The following ACKR2 variants were observed in gnomAD, a reference collection of about 807,000 sequenced individuals.
ACKR2 encodes the protein C-C chemokine receptor D6.
For missense variants in ACKR2, 457 were observed against 477.3 expected (o/e 0.96, Z 0.40); for synonymous variants, 207 against 192.2 (o/e 1.08, Z -0.64).
chr3:42,861,857 A>T (rs4682866), intron 2 of ACKR2, among the ~76,000 whole-genome samples: 40,922 of 152,114 alleles, frequency 0.27, 7,141 homozygotes, highest in East Asian at 0.6. Context: ...CTGATGGAAC[A>T]TATCTCAAAA....
chr3:42,847,686 G>A (rs1485792369), intron 2 of ACKR2, among the ~76,000 whole-genome samples: 2 of 150,496 alleles, frequency 1.3e-5, no homozygotes, highest in Non-Finnish European at 3.0e-5. Context: ...AGAGCTGCCA[G>A]ACTCAAGAAG....
At chr3:42,829,797 T>G (rs1700911427) in intron 2 of ACKR2, among the ~76,000 whole-genome samples, 1 of 152,112 alleles carries the variant, frequency 6.6e-6, no homozygotes, top group Non-Finnish European at 1.5e-5. Context: ...GAGAGGCAAA[T>G]GAGACACAAA....
intron 2 of ACKR2, among the ~76,000 whole-genome samples, chr3:42,820,653 A>G (rs918061233): frequency 6.6e-6 from 1 of 150,822 alleles, no homozygotes; most frequent in Non-Finnish European, 1.5e-5. Context: ...GTTAGCCACC[A>G]ATGTCCTTGT....
chr3:42,819,919 T>A (rs1700793044), intron 2 of ACKR2, among the ~76,000 whole-genome samples: 1 of 152,200 alleles, frequency 6.6e-6, no homozygotes, highest in African/African-American at 2.4e-5. Context: ...CTCTCCCAAA[T>A]ATTAGGGCTG....
intron 2 of ACKR2, among the ~76,000 whole-genome samples, chr3:42,826,435 T>C (rs1700865487): frequency 6.6e-6 from 1 of 152,174 alleles, no homozygotes; most frequent in South Asian, 2.1e-4. Context: ...CCTTTCTTTG[T>C]TATAGGTCTA....
In ACKR2 at chr3:42,858,216, G is replaced by A. The variant is rs561458148; in HGVS notation, c.-37-6250G>A. Among the ~76,000 whole-genome samples, 38 of 152,310 alleles carry A rather than the reference G, an allele frequency of 2.5e-4. No individual in the cohort carries two copies. The East Asian group carries it at 2.5e-3, about 10-fold the overall frequency. The stretch of plus-strand genomic sequence containing the variant: ...CCTCAAGTGGGTCCCTGACCCCTTT[G>A]CCTCCTGACTGGGAGACACCTCCCA... On this transcript the variant is annotated intron_variant, in intron 2 of 2. Transcript: ENST00000422265.
chr3:42,856,237 T>C (rs982453459), intron 2 of ACKR2: 10 of 588,792 alleles, frequency 1.7e-5, no homozygotes, highest in Non-Finnish European at 2.7e-5. Flanking sequence ...CCACTCAGGC[T>C]GAGCTCCTGG....
At position 42,865,707 on chromosome 3, in the gene ACKR2, G is replaced by T. The variant is rs1280099461; in HGVS notation, c.*50G>T. On this transcript the variant is annotated 3_prime_UTR_variant, in exon 3 of 3. Coordinates refer to ENST00000422265, the MANE Select transcript of ACKR2 (RefSeq NM_001296.5). ...AACAGATGGGAACCAGCTCAATTGG[G>T]TGTCCACTCAAAGTGCTCTCTCCAG... The T allele has an allele frequency of 2.0e-6, 3 of 1,472,172 alleles. No individual in the cohort carries two copies. Among genetic ancestry groups the T allele is most frequent in the African/African-American group, 1.4e-5 (1 of 71,732 alleles). The allele number at this position is 1,472,172 out of a possible 1,614,324, so 91.2% of individuals were successfully genotyped here.
intron 2 of ACKR2, among the ~76,000 whole-genome samples, chr3:42,827,616 C>G (rs1294236373): frequency 6.6e-6 from 1 of 152,200 alleles, no homozygotes; most frequent in Non-Finnish European, 1.5e-5. Context: ...GCAGTGTACT[C>G]TGCCTCTGGG....
chr3:42,865,045 C>T lies in ACKR2; in HGVS notation c.543C>T (p.Val181=), dbSNP rs371368100. Residue 181 remains valine (V), a synonymous_variant, in exon 3 of 3, where the codon GTC becomes GTT. Coordinates refer to ENST00000422265, the MANE Select transcript of ACKR2 (RefSeq NM_001296.5). ...TGGCCGTCTCCATCCCTGATATGGT[C>T]TTTGTACAGACACATGAAAATCCCA... ...VSLAVSIPDM[V]FVQTHENPKG... 1.5e-5 allele frequency: 24 copies of T among 1,614,030 alleles called. No individual in the cohort carries two copies. In the Admixed American group the frequency reaches 1.8e-4, roughly 12 times the overall value.
intron 2 of ACKR2, chr3:42,836,081 G>GCTCCAGGAATGCATTCCT (rs1367390875): frequency 6.6e-6 from 1 of 152,030 alleles, no homozygotes; most frequent in Non-Finnish European, 1.5e-5. Flanking sequence ...CAGAAGAACT[G>GCTCCAGGAATGCATTCCT]CTCCAGGAAT....
chr3:42,842,111 T>C (rs932072379), intron 2 of ACKR2, among the ~76,000 whole-genome samples: 2 of 152,144 alleles, frequency 1.3e-5, no homozygotes, highest in Non-Finnish European at 2.9e-5. Context: ...CTGATTGTCA[T>C]TGGAGAGGTA....
chr3:42,812,849 G>T (rs1320421636), intron 1 of ACKR2, among the ~76,000 whole-genome samples: 3 of 151,926 alleles, frequency 2.0e-5, no homozygotes, highest in Non-Finnish European at 2.9e-5. Context: ...ACCACATCCG[G>T]CTAATTTTTT....
chr3:42,851,980 C>T (rs1043322996), intron 2 of ACKR2, among the ~76,000 whole-genome samples: 5 of 152,186 alleles, frequency 3.3e-5, no homozygotes, highest in African/African-American at 1.2e-4. Flanking sequence ...CCCATGCATC[C>T]CAGCCTGAAT....
intron 2 of ACKR2, among the ~76,000 whole-genome samples, chr3:42,861,016 G>A (rs1463043516): frequency 6.6e-6 from 1 of 152,120 alleles, no homozygotes; most frequent in Non-Finnish European, 1.5e-5. Context: ...TAAGATCAGA[G>A]CAGAACTGAA....
At chr3:42,842,640 T>C (rs1032292771) in intron 2 of ACKR2, among the ~76,000 whole-genome samples, 4 of 152,172 alleles carry the variant, frequency 2.6e-5, no homozygotes, top group African/African-American at 9.7e-5. Context: ...CATTTCTGAA[T>C]ACACTCAAGG....
chr3:42,822,602 C>T (rs931064634), intron 2 of ACKR2, among the ~76,000 whole-genome samples: 2 of 152,038 alleles, frequency 1.3e-5, no homozygotes, highest in Admixed American at 1.3e-4. Flanking sequence ...CCTGTAATCC[C>T]AGCACTTTGG....
intron 1 of ACKR2, among the ~76,000 whole-genome samples, chr3:42,811,227 A>G (rs1026872071): frequency 1.3e-5 from 2 of 152,210 alleles, no homozygotes; most frequent in Non-Finnish European, 2.9e-5. Flanking sequence ...TACTGTGTCT[A>G]TGTAGAAAAG....
chr3:42,842,392 T>TA (rs2125614132), intron 2 of ACKR2, among the ~76,000 whole-genome samples: 1 of 152,294 alleles, frequency 6.6e-6, no homozygotes. Flanking sequence ...TTATAGAAGA[T>TA]ATATTTATAC....
Sources: gnomAD v4.1 joint callset for allele counts (sites outside exome capture counted in the v4.1 genomes callset) on GRCh38, gnomAD v4.1.1 for gene constraint, MANE v1.5 for transcripts, NCBI Gene and HGNC (gene_info 2026-07-23, HGNC 2026-07-21) for gene names.